The following SPIRE1 variants were observed in gnomAD, a reference collection of about 807,000 sequenced individuals.
SPIRE1 encodes protein spire homolog 1.
SPIRE1 carries 40 observed loss-of-function variants against 94.1 expected under a neutral mutation model. The observed-to-expected ratio is 0.43, with a 90% CI of 0.33 to 0.55. The LOEUF is 0.55. SPIRE1 is among the 20% of genes least tolerant of loss of function. The pLI, the probability that SPIRE1 is intolerant of heterozygous loss-of-function variation, is 0.06. For missense variants in SPIRE1, 838 were observed against 975.2 expected, an observed-to-expected ratio of 0.86 and a Z score of 1.87; for synonymous variants, 376 against 371.7, an observed-to-expected ratio of 1.01 and a Z score of -0.13.
intron 4 of SPIRE1, among the ~76,000 whole-genome samples, chr18:12,529,541 G>A (rs141580404): frequency 3.4e-3 from 520 of 152,208 alleles, no homozygotes; most frequent in African/African-American, 0.011. Context: ...ACTAAGCACC[G>A]CAGGTACAGC....
At chr18:12,575,555 C>T (rs1366128860) in intron 2 of SPIRE1, among the ~76,000 whole-genome samples, 2 of 152,082 alleles carry the variant, frequency 1.3e-5, no homozygotes, top group East Asian at 3.9e-4. Context: ...GCTATGTTAC[C>T]CAGGCTGGTC....
chr18:12,492,953 A>T (rs1209356105), intron 8 of SPIRE1, 119 bp downstream of exon 8: 2 of 1,168,796 alleles, frequency 1.7e-6, no homozygotes, highest in Non-Finnish European at 2.4e-6. Flanking sequence ...AGAACAAGTG[A>T]GTGAGATACA....
intron 3 of SPIRE1, among the ~76,000 whole-genome samples, chr18:12,538,901 C>T (rs758104015): frequency 9.9e-5 from 15 of 152,272 alleles, no homozygotes; most frequent in South Asian, 8.3e-4. Flanking sequence ...AAATATACCA[C>T]CTGACAGTTC....
chr18:12,510,996 T>G (rs138224205), intron 5 of SPIRE1, among the ~76,000 whole-genome samples: 1 of 152,202 alleles, frequency 6.6e-6, no homozygotes, highest in Non-Finnish European at 1.5e-5. Context: ...ATGTGTCACA[T>G]GAATAAACCA....
chr18:12,615,345 A>AG (rs1555632289), intron 2 of SPIRE1, among the ~76,000 whole-genome samples: 1 of 17,236 alleles, frequency 5.8e-5, no homozygotes, highest in African/African-American at 1.2e-4. Flanking sequence ...AAAAAAAAAA[A>AG]ATATATATAT....
At position 12,641,954 on chromosome 18, in the gene SPIRE1, C is replaced by T. The variant is rs568387436; in HGVS notation, c.338-6858G>A. Among the ~76,000 whole-genome samples the T allele has an allele frequency of 4.0e-5, 6 of 151,366 alleles. No individual in the cohort carries two copies. The South Asian group carries it at 1.3e-3, about 32-fold the overall frequency. On this transcript the variant is annotated intron_variant, in intron 1 of 16. Coordinates refer to ENST00000409402, the MANE Select transcript of SPIRE1 (RefSeq NM_001128626.2). ...TCAAGCAATTCTCCTGCCTCAGCCT[C>T]CTGAGTAGCTGGGACTACAGGCACG...
chr18:12,609,956 T>C (rs2037093163), intron 2 of SPIRE1, among the ~76,000 whole-genome samples: 1 of 152,034 alleles, frequency 6.6e-6, no homozygotes. Context: ...CTCCTCAGGA[T>C]CAATGTTGGT....
At chr18:12,462,383 C>A (rs2031900865) in intron 12 of SPIRE1, among the ~76,000 whole-genome samples, 1 of 152,142 alleles carries the variant, frequency 6.6e-6, no homozygotes, top group South Asian at 2.1e-4. Flanking sequence ...AGATATTTGA[C>A]TGTGGGTAGA....
upstream of SPIRE1, among the ~76,000 whole-genome samples, chr18:12,660,920 T>A (rs1431313751): frequency 6.6e-6 from 1 of 152,230 alleles, no homozygotes; most frequent in South Asian, 2.1e-4. Context: ...CTAGCTGTCT[T>A]CTAAGTGTAG....
chr18:12,644,199 A>AAAG (rs72091747), intron 1 of SPIRE1, among the ~76,000 whole-genome samples: 1 of 46,504 alleles, frequency 2.2e-5, no homozygotes, highest in Non-Finnish European at 6.6e-5. Flanking sequence ...ACTCCATCTC[A>AAAG]AAAAAAAAAA....
At chr18:12,528,218 C>A (rs2034581151) in intron 4 of SPIRE1, among the ~76,000 whole-genome samples, 3 of 152,102 alleles carry the variant, frequency 2.0e-5, no homozygotes, top group Admixed American at 2.0e-4. Flanking sequence ...TGTCTTGGGT[C>A]CCTAAATCTA....
In SPIRE1 at chr18:12,547,874, G is replaced by A. The variant is rs192198734; in HGVS notation, c.373-970C>T. 2.6e-5 allele frequency among the ~76,000 whole-genome samples: 4 copies of A among 152,274 alleles called. No homozygotes were observed. The East Asian group carries it at 7.7e-4, about 29-fold the overall frequency. ...GGAGAATCGCTTGAACTGGGGAAGC[G>A]GAGCTGACATTGCGCCACTGCACTT... On this transcript the variant is annotated intron_variant, in intron 2 of 16. Coordinates refer to ENST00000409402, the MANE Select transcript of SPIRE1 (RefSeq NM_001128626.2).
chr18:12,533,932 T>TACACACACACACACACACAC (rs10658152), intron 4 of SPIRE1, among the ~76,000 whole-genome samples: 3 of 144,420 alleles, frequency 2.1e-5, no homozygotes, highest in African/African-American at 7.9e-5. Context: ...GCTAATCCAT[T>TACACACACACACACACACAC]ACACACACAC....
chr18:12,467,072 G>T (rs565677708), intron 10 of SPIRE1, among the ~76,000 whole-genome samples: 1 of 152,318 alleles, frequency 6.6e-6, no homozygotes, highest in African/African-American at 2.4e-5. Context: ...TTGAGGTCAG[G>T]AGCTCAAGAC....
chr18:12,516,265 C>T (rs1192648392), intron 4 of SPIRE1: 2 of 152,162 alleles, frequency 1.3e-5, no homozygotes, highest in African/African-American at 2.4e-5. Flanking sequence ...TATTTACAAG[C>T]GTAAGAACAT....
At chr18:12,469,318 T>C (rs2032246535) in intron 10 of SPIRE1, among the ~76,000 whole-genome samples, 1 of 151,644 alleles carries the variant, frequency 6.6e-6, no homozygotes. Context: ...TTCTCCTGCC[T>C]CAGCCTCCCT....
rs188302265 is a variant in SPIRE1, at chr18:12,623,055, G to A, written c.372+12007C>T. On this transcript the variant is annotated intron_variant, in intron 2 of 16. Transcript: ENST00000409402. ...TTATGTACCTAAGGGAAGAGATGCC[G>A]AGAAAAATACTCTAAACAGCCACTA... 1.9e-3 allele frequency among the ~76,000 whole-genome samples: 291 copies of A among 152,262 alleles called. 3 individuals are homozygous for A. The highest frequency in any genetic ancestry group is 3.1e-3 in the East Asian group (16 of 5,184).
chr18:12,646,572 A>AT (rs913863894), intron 1 of SPIRE1, among the ~76,000 whole-genome samples: 2 of 152,148 alleles, frequency 1.3e-5, no homozygotes, highest in African/African-American at 4.8e-5. Context: ...CAGGCAACCT[A>AT]TAGGGATTGT....
chr18:12,488,210 G>A (rs1308115793), intron 8 of SPIRE1, among the ~76,000 whole-genome samples: 2 of 152,192 alleles, frequency 1.3e-5, no homozygotes, highest in African/African-American at 4.8e-5. Flanking sequence ...TTCATATAAA[G>A]AGGGTAGAAT....
Sources: gnomAD v4.1 joint callset for allele counts (sites outside exome capture counted in the v4.1 genomes callset) on GRCh38, gnomAD v4.1.1 for gene constraint, MANE v1.5 for transcripts, NCBI Gene and HGNC (gene_info 2026-07-23, HGNC 2026-07-21) for gene names.